The following SKAP1 variants were observed in gnomAD, a reference collection of about 807,000 sequenced individuals.
The protein encoded by SKAP1 is src kinase associated phosphoprotein 1, also known as src kinase-associated phosphoprotein 1.
Under a neutral mutation model 58.5 loss-of-function variants are expected in SKAP1, and 44 were observed. That is an observed-to-expected ratio of 0.75 (90% CI 0.59 to 0.97). SKAP1 has a LOEUF of 0.97. SKAP1 is among the 50% of genes least tolerant of loss of function. The probability of loss-of-function intolerance (pLI) is 0.00; values close to 1 mark genes in which losing one functional copy is unlikely to be tolerated. For synonymous variants in SKAP1, 127 were observed against 149.7 expected (o/e 0.85, Z 1.11); for missense variants, 390 against 435.2 (o/e 0.90, Z 0.92).
chr17:48,196,198 G>A lies in SKAP1; in HGVS notation c.281-6698C>T, dbSNP rs532042725. ...TAGCCCATGCTGTTTCCAATACTCT[G>A]AGCTTCAGACATGCACAGAAGTGGA... On this transcript the variant is annotated intron_variant, in intron 4 of 12. Transcript: ENST00000336915. Among the ~76,000 whole-genome samples, 98 of 152,270 alleles carry A rather than the reference G, an allele frequency of 6.4e-4. 1 individual carries two copies. Among genetic ancestry groups the A allele is most frequent in the African/African-American group, 2.3e-3 (94 of 41,554 alleles).
chr17:48,307,846 A>G (rs2066168251), intron 4 of SKAP1: 1 of 152,176 alleles, frequency 6.6e-6, no homozygotes, highest in Non-Finnish European at 1.5e-5. Context: ...CTTCAGTGTT[A>G]TTGTAGTTAT....
At chr17:48,332,121 T>C (rs2066514620) in intron 4 of SKAP1, among the ~76,000 whole-genome samples, 1 of 152,102 alleles carries the variant, frequency 6.6e-6, no homozygotes, top group African/African-American at 2.4e-5. Context: ...AAAAAATAAT[T>C]ACATTCTTGT....
At chr17:48,178,799 C>T (rs753393355) in intron 9 of SKAP1, among the ~76,000 whole-genome samples, 20 of 152,184 alleles carry the variant, frequency 1.3e-4, no homozygotes, top group Non-Finnish European at 2.2e-4. Flanking sequence ...AGAAATGGCT[C>T]GACCTCAACC....
At chr17:48,326,562 T>A (rs1256162296) in intron 4 of SKAP1, among the ~76,000 whole-genome samples, 1 of 152,228 alleles carries the variant, frequency 6.6e-6, no homozygotes, top group Non-Finnish European at 1.5e-5. Context: ...CTTATCTAGA[T>A]CAAATTCAAA....
At chr17:48,226,223 A>G (rs1415047695) in intron 4 of SKAP1, among the ~76,000 whole-genome samples, 1 of 152,204 alleles carries the variant, frequency 6.6e-6, no homozygotes, top group Non-Finnish European at 1.5e-5. Flanking sequence ...TGTTTGAGTA[A>G]GTATAATTTA....
At chr17:48,285,212 G>A (rs189540354) in intron 4 of SKAP1, among the ~76,000 whole-genome samples, 1 of 152,306 alleles carries the variant, frequency 6.6e-6, no homozygotes, top group African/African-American at 2.4e-5. Flanking sequence ...TTTGAATAAG[G>A]GAATAAGATG....
intron 4 of SKAP1, among the ~76,000 whole-genome samples, chr17:48,299,057 G>A (rs866819287): frequency 6.6e-6 from 1 of 152,106 alleles, no homozygotes; most frequent in Non-Finnish European, 1.5e-5. Flanking sequence ...AAGCACCTTG[G>A]GATTCTCTAG....
At chr17:48,300,018 A>T (rs1192617397) in intron 4 of SKAP1, among the ~76,000 whole-genome samples, 2 of 152,150 alleles carry the variant, frequency 1.3e-5, no homozygotes, top group Non-Finnish European at 2.9e-5. Flanking sequence ...TCCTCTTCAA[A>T]ATAAGTGTAG....
intron 4 of SKAP1, among the ~76,000 whole-genome samples, chr17:48,288,950 GA>G (rs2065867616): frequency 6.6e-6 from 1 of 152,160 alleles, no homozygotes; most frequent in South Asian, 2.1e-4. Context: ...ATTGAACAGA[GA>G]AGTGAAGCTG....
At chr17:48,429,597 G>A (rs1042381954) in intron 1 of SKAP1, among the ~76,000 whole-genome samples, 3 of 152,188 alleles carry the variant, frequency 2.0e-5, no homozygotes, top group African/African-American at 7.2e-5. Context: ...TCAACCACCT[G>A]GCCTTGGCCC....
At chr17:48,183,999 T>TAC (rs5820689) in intron 7 of SKAP1, among the ~76,000 whole-genome samples, 126,500 of 151,970 alleles carry the variant, frequency 0.83, 52,710 homozygotes, top group East Asian at 0.95. Flanking sequence ...CAGGAAACAA[T>TAC]ACACACACAT....
chr17:48,297,803 C>T (rs1193969341), intron 4 of SKAP1, among the ~76,000 whole-genome samples: 1 of 152,126 alleles, frequency 6.6e-6, no homozygotes, highest in African/African-American at 2.4e-5. Flanking sequence ...GTAACTTTAC[C>T]ATTTCAAAGA....
At position 48,255,896 on chromosome 17, in the gene SKAP1, G is replaced by A. The variant is rs796485593; in HGVS notation, c.281-66396C>T. On this transcript the variant is annotated intron_variant, in intron 4 of 12. Coordinates refer to ENST00000336915, the MANE Select transcript of SKAP1 (RefSeq NM_003726.4). ...CCAATATTTCTCAATGAAATAAATT[G>A]TATAAATGAAATAAAACTGACACTG... Among the ~76,000 whole-genome samples, 17 of 152,110 alleles carry A rather than the reference G, an allele frequency of 1.1e-4. 1 individual carries two copies. The highest frequency in any genetic ancestry group is 4.1e-4 in the African/African-American group (17 of 41,520).
intron 4 of SKAP1, among the ~76,000 whole-genome samples, chr17:48,284,596 T>C (rs985863568): frequency 2.0e-5 from 3 of 152,198 alleles, no homozygotes; most frequent in African/African-American, 7.2e-5. Context: ...TGGCATGTTG[T>C]GAGAAAAAAT....
intron 4 of SKAP1, among the ~76,000 whole-genome samples, chr17:48,298,104 C>T (rs181937534): frequency 9.9e-5 from 15 of 152,250 alleles, no homozygotes; most frequent in Admixed American, 3.9e-4. Flanking sequence ...GATGTTCCAG[C>T]GTTTATCTTT....
At chr17:48,256,290 A>C (rs1166191684) in intron 4 of SKAP1, among the ~76,000 whole-genome samples, 1 of 152,120 alleles carries the variant, frequency 6.6e-6, no homozygotes, top group Non-Finnish European at 1.5e-5. Context: ...AACTTTATTA[A>C]TGGTCTGATA....
At chr17:48,205,399 C>T (rs1360089631) in intron 4 of SKAP1, among the ~76,000 whole-genome samples, 1 of 151,814 alleles carries the variant, frequency 6.6e-6, no homozygotes, top group Non-Finnish European at 1.5e-5. Flanking sequence ...GCGTGAGCTA[C>T]CACACCTGGC....
chr17:48,199,646 G>A (rs1427153272), intron 4 of SKAP1, among the ~76,000 whole-genome samples: 1 of 151,902 alleles, frequency 6.6e-6, no homozygotes, highest in Non-Finnish European at 1.5e-5. Flanking sequence ...TTTCCTCAAC[G>A]TGCTCCATTC....
At chr17:48,302,677 G>A (rs964786301) in intron 4 of SKAP1, among the ~76,000 whole-genome samples, 39 of 152,284 alleles carry the variant, frequency 2.6e-4, no homozygotes, top group African/African-American at 9.4e-4. Flanking sequence ...CCTTTAGAAT[G>A]GGCCTAACCA....
Sources: gnomAD v4.1 joint callset for allele counts (sites outside exome capture counted in the v4.1 genomes callset) on GRCh38, gnomAD v4.1.1 for gene constraint, MANE v1.5 for transcripts, NCBI Gene and HGNC (gene_info 2026-07-23, HGNC 2026-07-21) for gene names.